METTL24: variants seen among roughly 807,000 people sequenced by gnomAD.
METTL24 encodes the protein probable methyltransferase-like protein 24.
In METTL24, 29 loss-of-function variants were observed where a neutral mutation model predicts 32.7. The observed-to-expected ratio is 0.89, with a 90% CI of 0.66 to 1.21. The LOEUF is 1.21. METTL24 is among the 50% of genes most tolerant of loss of function. METTL24 has a pLI of 0.00. For missense variants in METTL24, 439 were observed against 468.1 expected (o/e 0.94, Z 0.57); for synonymous variants, 163 against 179.5 (o/e 0.91, Z 0.73).
chr6:110,350,459 G>C (rs1378298154), intron 1 of METTL24, among the ~76,000 whole-genome samples: 2 of 152,000 alleles, frequency 1.3e-5, no homozygotes, highest in East Asian at 3.9e-4. Context: ...AGTTGCAAGG[G>C]GGGCTGTGAA....
intron 1 of METTL24, among the ~76,000 whole-genome samples, chr6:110,346,724 C>T (rs1772483780): frequency 1.3e-5 from 2 of 152,102 alleles, no homozygotes; most frequent in Admixed American, 6.5e-5. Flanking sequence ...AGGCTGGTCT[C>T]GAACTCCTGA....
intron 1 of METTL24, among the ~76,000 whole-genome samples, chr6:110,333,653 G>A (rs1361613451): frequency 6.6e-6 from 1 of 152,046 alleles, no homozygotes; most frequent in African/African-American, 2.4e-5. Flanking sequence ...TGTTGGCCAG[G>A]CTGGTCTCAA....
chr6:110,266,382 C>T (rs1034351147), intron 4 of METTL24, among the ~76,000 whole-genome samples: 28 of 151,634 alleles, frequency 1.8e-4, no homozygotes, highest in African/African-American at 6.6e-4. Flanking sequence ...AGTGGATGTG[C>T]GATAGACCAA....
intron 4 of METTL24, among the ~76,000 whole-genome samples, chr6:110,258,518 T>A (rs1778426736): frequency 6.6e-6 from 1 of 151,982 alleles, no homozygotes; most frequent in Non-Finnish European, 1.5e-5. Context: ...GGTAGATGGA[T>A]GGGTGGGTGG....
At chr6:110,284,208 G>A (rs1349303667) in intron 4 of METTL24, among the ~76,000 whole-genome samples, 2 of 152,192 alleles carry the variant, frequency 1.3e-5, no homozygotes, top group African/African-American at 4.8e-5. Flanking sequence ...CCAGGAAGGA[G>A]TGGGGCAAGG....
intron 4 of METTL24, among the ~76,000 whole-genome samples, chr6:110,295,414 C>T (rs190840985): frequency 2.6e-5 from 4 of 152,258 alleles, no homozygotes; most frequent in Admixed American, 2.0e-4. Context: ...GAGCCTTGGC[C>T]TGGGTGGTGA....
intron 1 of METTL24, among the ~76,000 whole-genome samples, chr6:110,336,536 A>T (rs1283726278): frequency 6.6e-6 from 1 of 152,124 alleles, no homozygotes; most frequent in South Asian, 2.1e-4. Context: ...GTCAGGAGAT[A>T]GAGACCATCC....
At chr6:110,309,927 G>A (rs1771690599) in intron 3 of METTL24, among the ~76,000 whole-genome samples, 1 of 151,908 alleles carries the variant, frequency 6.6e-6, no homozygotes. Flanking sequence ...TATGTATGAA[G>A]CACAGATATG....
chr6:110,339,474 T>A (rs1033448706), intron 1 of METTL24, among the ~76,000 whole-genome samples: 1 of 152,196 alleles, frequency 6.6e-6, no homozygotes, highest in African/African-American at 2.4e-5. Context: ...GTGAGGTAAC[T>A]GCAAAAAAGA....
At chr6:110,302,287 G>A (rs1024079775) in intron 3 of METTL24, among the ~76,000 whole-genome samples, 2 of 150,880 alleles carry the variant, frequency 1.3e-5, no homozygotes, top group South Asian at 4.2e-4. Context: ...AAAAAAAAAA[G>A]AGAACATTAT....
intron 3 of METTL24, among the ~76,000 whole-genome samples, chr6:110,313,337 T>C (rs1771760007): frequency 6.6e-6 from 1 of 152,152 alleles, no homozygotes. Flanking sequence ...ATATCACATG[T>C]ACCCCATTAA....
At chr6:110,249,959 A>T (rs1016384686) in intron 4 of METTL24, among the ~76,000 whole-genome samples, 1 of 152,062 alleles carries the variant, frequency 6.6e-6, no homozygotes, top group Non-Finnish European at 1.5e-5. Flanking sequence ...CAATCAATTG[A>T]CTTTCACAAA....
chr6:110,338,775 G>A (rs192473850), intron 1 of METTL24, among the ~76,000 whole-genome samples: 1 of 152,290 alleles, frequency 6.6e-6, no homozygotes, highest in East Asian at 1.9e-4. Context: ...GTTAGGTTTT[G>A]TCCAAATCAT....
At chr6:110,260,308 C>T (rs943487795) in intron 4 of METTL24, among the ~76,000 whole-genome samples, 4 of 152,134 alleles carry the variant, frequency 2.6e-5, no homozygotes, top group African/African-American at 9.7e-5. Context: ...ACGAGAACTA[C>T]GTGATGAATG....
At chr6:110,293,132 T>C (rs969665214) in intron 4 of METTL24, among the ~76,000 whole-genome samples, 3 of 151,840 alleles carry the variant, frequency 2.0e-5, no homozygotes, top group Non-Finnish European at 4.4e-5. Flanking sequence ...GAAAAAAAAA[T>C]CCTATTGGCA....
At chr6:110,328,260 GCCT>G (rs60408237) in intron 1 of METTL24, among the ~76,000 whole-genome samples, 23,562 of 152,162 alleles carry the variant, frequency 0.15, 2,413 homozygotes, top group African/African-American at 0.28. Context: ...TAAGGAAGCA[GCCT>G]CCTTTCAGTT....
chr6:110,323,468 C>T (rs985305588), intron 1 of METTL24, among the ~76,000 whole-genome samples: 3 of 152,100 alleles, frequency 2.0e-5, no homozygotes, highest in Non-Finnish European at 4.4e-5. Flanking sequence ...TGTGAGGCAG[C>T]CACCACCTGT....
chr6:110,339,044 G>C (rs573046707), intron 1 of METTL24, among the ~76,000 whole-genome samples: 18 of 152,306 alleles, frequency 1.2e-4, no homozygotes, highest in African/African-American at 3.6e-4. Flanking sequence ...CCTGGATAGT[G>C]ATGTTGTGCA....
At chr6:110,353,581 T>A (rs1772652316) in intron 1 of METTL24, among the ~76,000 whole-genome samples, 1 of 146,324 alleles carries the variant, frequency 6.8e-6, no homozygotes, top group Non-Finnish European at 1.5e-5. Flanking sequence ...GCCTGACACA[T>A]GGTTCCAAAA....
Sources: gnomAD v4.1 joint callset for allele counts (sites outside exome capture counted in the v4.1 genomes callset) on GRCh38, gnomAD v4.1.1 for gene constraint, MANE v1.5 for transcripts, NCBI Gene and HGNC (gene_info 2026-07-23, HGNC 2026-07-21) for gene names.